The following RBFOX1 variants were observed in gnomAD, a reference collection of about 807,000 sequenced individuals.
RBFOX1 encodes the protein RNA binding fox-1 homolog 1.
Under a neutral mutation model 57.7 loss-of-function variants are expected in RBFOX1, and 8 were observed. That is an observed-to-expected ratio of 0.14 (90% CI 0.08 to 0.25). The LOEUF (loss-of-function observed/expected upper bound fraction) is 0.25, where lower values mean the gene tolerates loss of function less well. Ranked by LOEUF, RBFOX1 falls within the 10% of genes least tolerant of loss-of-function variation. RBFOX1 has a pLI of 1.00. For synonymous variants in RBFOX1, 326 were observed against 222.4 expected (o/e 1.47, Z -4.15); for missense variants, 611 against 548.5 (o/e 1.11, Z -1.14).
At chr16:6,494,328 C>T (rs530612807) in intron 2 of RBFOX1, among the ~76,000 whole-genome samples, 1 of 152,284 alleles carries the variant, frequency 6.6e-6, no homozygotes, top group African/African-American at 2.4e-5. Flanking sequence ...CTGAGCAGTT[C>T]CATCCTGAGG....
chr16:7,125,721 C>G (rs555526067), intron 4 of RBFOX1, among the ~76,000 whole-genome samples: 1 of 151,902 alleles, frequency 6.6e-6, no homozygotes, highest in Non-Finnish European at 1.5e-5. Context: ...GATGCCTAAA[C>G]TCCCTTTGTT....
chr16:7,365,071 G>A (rs909712156), intron 4 of RBFOX1, among the ~76,000 whole-genome samples: 4 of 151,982 alleles, frequency 2.6e-5, no homozygotes, highest in African/African-American at 4.8e-5. Flanking sequence ...TCTATCATTC[G>A]TCTATCTATC....
chr16:6,040,570 T>TTC (rs998271459), intron 1 of RBFOX1, among the ~76,000 whole-genome samples: 3 of 150,100 alleles, frequency 2.0e-5, no homozygotes, highest in Admixed American at 6.6e-5. Flanking sequence ...CTTTCTTTCT[T>TTC]TCTCTCTCTC....
chr16:6,002,783 A>G (rs1330555501), intron 4 of RBFOX1, among the ~76,000 whole-genome samples: 1 of 152,236 alleles, frequency 6.6e-6, no homozygotes, highest in African/African-American at 2.4e-5. Flanking sequence ...CAATATGATT[A>G]CAATAGTAAA....
intron 1 of RBFOX1, among the ~76,000 whole-genome samples, chr16:6,142,398 T>C (rs1250157330): frequency 6.6e-6 from 1 of 151,698 alleles, no homozygotes. Flanking sequence ...ATTTTTTGTA[T>C]TTTTAGTAGA....
At chr16:7,068,698 C>T (rs978478953) in intron 4 of RBFOX1, among the ~76,000 whole-genome samples, 2 of 152,126 alleles carry the variant, frequency 1.3e-5, no homozygotes, top group Admixed American at 6.6e-5. Flanking sequence ...GGAGATTCTC[C>T]TGTCTCAGCC....
chr16:6,004,347 A>C (rs1245005431), intron 4 of RBFOX1, among the ~76,000 whole-genome samples: 1 of 152,188 alleles, frequency 6.6e-6, no homozygotes, highest in African/African-American at 2.4e-5. Flanking sequence ...TGCAAAATGG[A>C]GATAATATTT....
chr16:7,473,270 C>T (rs932697510), intron 4 of RBFOX1, among the ~76,000 whole-genome samples: 1 of 151,790 alleles, frequency 6.6e-6, no homozygotes, highest in Non-Finnish European at 1.5e-5. Flanking sequence ...CCCAGCTACT[C>T]AGGAGGCTGA....
intron 4 of RBFOX1, among the ~76,000 whole-genome samples, chr16:7,349,179 G>A (rs1237299962): frequency 6.6e-6 from 1 of 152,086 alleles, no homozygotes; most frequent in Admixed American, 6.6e-5. Flanking sequence ...CTCATTTTAG[G>A]ACTAAAACTT....
intron 2 of RBFOX1, among the ~76,000 whole-genome samples, chr16:6,598,305 C>T (rs2097798913): frequency 6.6e-6 from 1 of 152,096 alleles, no homozygotes; most frequent in Non-Finnish European, 1.5e-5. Context: ...ATTATTTACT[C>T]TTTTAAAAGA....
intron 3 of RBFOX1, among the ~76,000 whole-genome samples, chr16:6,798,376 T>G (rs747014254): frequency 2.6e-5 from 4 of 152,184 alleles, no homozygotes; most frequent in Non-Finnish European, 5.9e-5. Flanking sequence ...GTGAAAGCCA[T>G]TCTGAGACAG....
At chr16:7,471,895 C>G (rs2061616945) in intron 4 of RBFOX1, among the ~76,000 whole-genome samples, 1 of 152,168 alleles carries the variant, frequency 6.6e-6, no homozygotes, top group Non-Finnish European at 1.5e-5. Flanking sequence ...TCATTCTATG[C>G]CATTTCCTGC....
intron 2 of RBFOX1, among the ~76,000 whole-genome samples, chr16:5,516,441 T>G (rs1384305832): frequency 6.6e-6 from 1 of 152,238 alleles, no homozygotes; most frequent in African/African-American, 2.4e-5. Context: ...TGATCTTGCA[T>G]AAGTTACTTG....
At chr16:6,887,901 A>C (rs371673561) in intron 3 of RBFOX1, among the ~76,000 whole-genome samples, 1 of 152,036 alleles carries the variant, frequency 6.6e-6, no homozygotes, top group African/African-American at 2.4e-5. Context: ...ACTTCAAGTG[A>C]TCCACCCGTC....
chr16:7,503,302 G>A (rs1343928877), intron 4 of RBFOX1, among the ~76,000 whole-genome samples: 3 of 152,092 alleles, frequency 2.0e-5, no homozygotes, highest in Non-Finnish European at 4.4e-5. Flanking sequence ...TAAGCGATTT[G>A]GTTTTCTTTG....
chr16:6,520,887 A>T (rs867624376), intron 2 of RBFOX1, among the ~76,000 whole-genome samples: 8 of 151,814 alleles, frequency 5.3e-5, no homozygotes, highest in African/African-American at 1.9e-4. Flanking sequence ...GACGTTGCTG[A>T]GAGAAAAAAA....
intron 3 of RBFOX1, among the ~76,000 whole-genome samples, chr16:5,729,288 C>A (rs891314767): frequency 2.0e-5 from 3 of 151,244 alleles, no homozygotes; most frequent in South Asian, 2.1e-4. Context: ...GAGCTGGAAG[C>A]AAAATATGTG....
intron 5 of RBFOX1, among the ~76,000 whole-genome samples, chr16:7,531,898 T>TAACCCATCCCC (rs2080176035): frequency 1.3e-5 from 2 of 152,140 alleles, no homozygotes; most frequent in East Asian, 1.9e-4. Flanking sequence ...TTCCCATCCC[T>TAACCCATCCCC]AACCCATCCC....
intron 2 of RBFOX1, among the ~76,000 whole-genome samples, chr16:6,649,042 T>C (rs139943220): frequency 1.3e-5 from 2 of 152,292 alleles, no homozygotes; most frequent in East Asian, 1.9e-4. Flanking sequence ...TTGTATAATA[T>C]TTTAACTTAT....
Sources: allele counts gnomAD v4.1 joint callset (sites outside exome capture counted in the v4.1 genomes callset), GRCh38; gene constraint gnomAD v4.1.1; transcripts MANE v1.5; gene names NCBI Gene and HGNC (gene_info 2026-07-23, HGNC 2026-07-21).